The following LBP variants were observed in gnomAD, a reference collection of about 807,000 sequenced individuals.
LBP encodes lipopolysaccharide binding protein, also known as lipopolysaccharide-binding protein.
In LBP, 53 loss-of-function variants were observed where a neutral mutation model predicts 56.6. The ratio of observed to expected loss-of-function variants is 0.94; its 90% CI spans 0.75 to 1.18. LBP has a LOEUF of 1.18. LBP is among the 50% of genes most tolerant of loss of function. The pLI, the probability that LBP is intolerant of heterozygous loss-of-function variation, is 0.00. For synonymous variants in LBP, 227 were observed against 247.5 expected (o/e 0.92, Z 0.78); for missense variants, 601 against 598.3 (o/e 1.00, Z -0.05).
At chr20:38,352,695 C>T (rs551613848) in intron 3 of LBP, among the ~76,000 whole-genome samples, 4 of 152,142 alleles carry the variant, frequency 2.6e-5, no homozygotes, top group African/African-American at 7.2e-5. Flanking sequence ...GCGGAGGTTG[C>T]GGTGAGCCAA....
intron 3 of LBP, among the ~76,000 whole-genome samples, chr20:38,353,266 A>T (rs2076826705): frequency 6.6e-6 from 1 of 151,924 alleles, no homozygotes; most frequent in Non-Finnish European, 1.5e-5. Flanking sequence ...CCCCTATCTG[A>T]CTCCAAAACA....
chr20:38,355,141 T>G (rs1568828590), intron 4 of LBP, among the ~76,000 whole-genome samples: 1 of 152,198 alleles, frequency 6.6e-6, no homozygotes, highest in Admixed American at 6.5e-5. Flanking sequence ...CCAAATCTGC[T>G]GAATGTGATC....
intron 6 of LBP, 124 bp downstream of exon 6, chr20:38,360,891 A>G: frequency 6.0e-6 from 4 of 662,220 alleles, no homozygotes; most frequent in Non-Finnish European, 9.9e-6. Context: ...GGCCAGGCGC[A>G]GCGGCTCACA....
chr20:38,356,600 G>C (rs2076842243), intron 5 of LBP, among the ~76,000 whole-genome samples: 1 of 152,106 alleles, frequency 6.6e-6, no homozygotes, highest in South Asian at 2.1e-4. Flanking sequence ...AAGTGACCCT[G>C]AGAAATATGC....
At chr20:38,358,656 G>A (rs2076849428) in intron 5 of LBP, among the ~76,000 whole-genome samples, 1 of 152,130 alleles carries the variant, frequency 6.6e-6, no homozygotes, top group Non-Finnish European at 1.5e-5. Context: ...ACAGCCCTTT[G>A]CCCTCCCAGC....
In LBP at chr20:38,353,479, CTTTTTTTTTTTT is replaced by C. The variant is rs35504317; in HGVS notation, c.369-788_369-777del. Reference sequence around the variant, plus strand: ...TGCTAGCGGACATGTAGGCTGCTTCCTTTTTTTTTTTTTTTTTTTTTTTTTTTTGCTACTGCC... The same window carrying C: ...TGCTAGCGGACATGTAGGCTGCTTCCTTTTTTTTTTTTTTTTGCTACTGCC... On this transcript the variant is annotated intron_variant, in intron 3 of 14. Transcript: ENST00000217407. Among the ~76,000 whole-genome samples, 158 of 69,128 alleles carry C rather than the reference CTTTTTTTTTTTT, an allele frequency of 2.3e-3. 1 individual carries two copies. Among genetic ancestry groups the C allele is most frequent in the African/African-American group, 6.8e-3 (145 of 21,306 alleles). 45.4% of individuals were successfully genotyped at this position (69,128 alleles called of 152,430 possible). A position where few individuals can be genotyped will look rare whatever the true frequency, so the allele number is the denominator to read the frequency against.
intron 5 of LBP, 66 bp from the exon 6 acceptor site, chr20:38,360,638 T>A: frequency 9.5e-7 from 1 of 1,052,772 alleles, no homozygotes; most frequent in Non-Finnish European, 1.5e-6. Context: ...GTGACTGCAG[T>A]GATCAGCACG....
At chr20:38,350,685 G>A (rs1338743856) in intron 2 of LBP, 126 bp from the exon 3 acceptor site, 2 of 1,057,094 alleles carry the variant, frequency 1.9e-6, no homozygotes, top group Non-Finnish European at 1.3e-6. Context: ...CTGGGGCACA[G>A]CAGGTGCTTA....
At chr20:38,359,343 G>A (rs1343762094) in intron 5 of LBP, among the ~76,000 whole-genome samples, 1 of 152,112 alleles carries the variant, frequency 6.6e-6, no homozygotes, top group Non-Finnish European at 1.5e-5. Flanking sequence ...CACTTTGGGA[G>A]GCCGATGGGG....
Position 38,373,135 on chromosome 20 carries a change from G to A in LBP, c.1324G>A (p.Asp442Asn). 6.2e-7 allele frequency: 1 copy of A among 1,612,592 alleles called. No homozygotes were observed. The highest frequency in any genetic ancestry group is 8.5e-7 in the Non-Finnish European group (1 of 1,178,590). The change falls in exon 13 of 15, where the codon GAT (aspartate) becomes AAT (asparagine). Residue 442 changes from aspartate (D) to asparagine (N), a missense_variant and splice_region_variant. Coordinates refer to ENST00000217407, the MANE Select transcript of LBP (RefSeq NM_004139.5). Reference sequence around the variant, plus strand: ...TAACACCTTCTACCCCAAGTTCAATGGTAAGAATCACTGTGGATTTTTCCA... The same window carrying A: ...TAACACCTTCTACCCCAAGTTCAATAGTAAGAATCACTGTGGATTTTTCCA... ...ILNTFYPKFN[D>N]KLAEGFPLPL...
intron 3 of LBP, 117 bp downstream of exon 3, chr20:38,351,056 C>T: frequency 7.3e-7 from 1 of 1,371,692 alleles, no homozygotes; most frequent in Non-Finnish European, 9.9e-7. Context: ...CAGATGGAGT[C>T]CAAGCCCGGA....
At position 38,347,078 on chromosome 20, in the gene LBP, A is replaced by G. The variant is rs11086558; in HGVS notation, c.124+438A>G. On this transcript the variant is annotated intron_variant, in intron 1 of 14. Transcript: ENST00000217407. ...GGAAGTCAGAATTGTGGTCACCTCT[A>G]GAGGCAGGCAGAGACCCTGAAGGGC... 6.9e-3 allele frequency among the ~76,000 whole-genome samples: 1,057 copies of G among 152,312 alleles called. 10 individuals are homozygous for G. The highest frequency in any genetic ancestry group is 0.024 in the African/African-American group (1,009 of 41,560).
rs1018646763 is a variant in LBP, at chr20:38,376,783, G to T, written c.*114G>T. On this transcript the variant is annotated 3_prime_UTR_variant, in exon 15 of 15. Coordinates refer to ENST00000217407, the MANE Select transcript of LBP (RefSeq NM_004139.5). ...TGAAGACATTTCTGCTCTCAGCTCC[G>T]GGGGTGAGGTGTGCCTGGCCTCTGC... The T allele has an allele frequency of 9.3e-7, 1 of 1,071,794 alleles. No homozygotes were observed. Among genetic ancestry groups the T allele is most frequent in the Non-Finnish European group, 1.4e-6 (1 of 698,340 alleles). 66.4% of individuals were successfully genotyped at this position (1,071,794 alleles called of 1,614,324 possible).
chr20:38,376,227 C>T (rs895670179), intron 14 of LBP, among the ~76,000 whole-genome samples: 34 of 152,168 alleles, frequency 2.2e-4, no homozygotes, highest in African/African-American at 7.7e-4. Flanking sequence ...AAGGATGGAT[C>T]ACTGTGGGAA....
intron 12 of LBP, among the ~76,000 whole-genome samples, chr20:38,371,640 A>G (rs2076901224): frequency 6.6e-6 from 1 of 152,206 alleles, no homozygotes; most frequent in Non-Finnish European, 1.5e-5. Flanking sequence ...AATAAACGAA[A>G]AAACTAAGAC....
chr20:38,349,237 T>C (rs1264501367), intron 1 of LBP, among the ~76,000 whole-genome samples: 1 of 152,184 alleles, frequency 6.6e-6, no homozygotes, highest in Non-Finnish European at 1.5e-5. Flanking sequence ...CCAGATGTCA[T>C]GGAGAACAAG....
At position 38,364,577 on chromosome 20, in the gene LBP, G is replaced by A. The variant is rs73909012; in HGVS notation, c.746G>A (p.Gly249Asp). The A allele has an allele frequency of 6.5e-4, 1,042 of 1,613,968 alleles. 8 individuals are homozygous for A. In the African/African-American group the frequency reaches 0.013, roughly 20 times the overall value. ...ATTGGACCCTATTTCCCTCTCCAGG[G>A]TGAAATCTTTCATCGTAACCACCGT... is the stretch of plus-strand genomic sequence containing the variant. ...TAQMLEVMFK[G>D]EIFHRNHRSP... is the part of the protein sequence containing the mutation. The change falls in exon 8 of 15, where the codon GGT (glycine) becomes GAT (aspartate). Residue 249 changes from glycine to aspartate, a missense_variant and splice_region_variant. Transcript: ENST00000217407.
intron 12 of LBP, among the ~76,000 whole-genome samples, chr20:38,372,765 T>A (rs1780628): frequency 0.62 from 93,936 of 151,918 alleles, 30,523 homozygotes; most frequent in African/African-American, 0.81. Flanking sequence ...TTAAATTTTT[T>A]AAATTATGTA....
intron 5 of LBP, among the ~76,000 whole-genome samples, chr20:38,355,772 G>T (rs965528780): frequency 2.0e-5 from 3 of 152,120 alleles, no homozygotes. Context: ...AAGAGACCAG[G>T]CAGGAAAGCT....
Sources: gnomAD v4.1 joint callset for allele counts (sites outside exome capture counted in the v4.1 genomes callset) on GRCh38, gnomAD v4.1.1 for gene constraint, MANE v1.5 for transcripts, NCBI Gene and HGNC (gene_info 2026-07-23, HGNC 2026-07-21) for gene names.